The following UVRAG variants were observed in gnomAD, a reference collection of about 807,000 sequenced individuals.
UVRAG encodes UV radiation resistance-associated gene protein.
A neutral mutation model predicts 78.0 loss-of-function variants in UVRAG; 19 were observed. The ratio of observed to expected loss-of-function variants is 0.24; its 90% confidence interval spans 0.17 to 0.36. The LOEUF (loss-of-function observed/expected upper bound fraction) is 0.36, where lower values mean the gene tolerates loss of function less well. Ranked by LOEUF, UVRAG falls within the 10% of genes least tolerant of loss-of-function variation. The pLI, the probability that UVRAG is intolerant of heterozygous loss-of-function variation, is 1.00. For missense variants in UVRAG, 740 were observed against 853.8 expected, an observed-to-expected ratio of 0.87 and a Z score of 1.66; for synonymous variants, 323 against 324.6, an observed-to-expected ratio of 1.00 and a Z score of 0.05.
intron 7 of UVRAG, among the ~76,000 whole-genome samples, chr11:75,973,886 C>T (rs1471522294): frequency 6.6e-6 from 1 of 152,212 alleles, no homozygotes; most frequent in Non-Finnish European, 1.5e-5. Context: ...GACATGAACT[C>T]ATCCTTTTTT....
intron 8 of UVRAG, among the ~76,000 whole-genome samples, chr11:75,992,974 T>C (rs1018500616): frequency 9.9e-5 from 15 of 152,236 alleles, no homozygotes; most frequent in Admixed American, 9.8e-4. Context: ...TGACTGGCAC[T>C]TGGTGCTTAT....
At chr11:76,106,302 C>A (rs558523874) in intron 13 of UVRAG, among the ~76,000 whole-genome samples, 1 of 152,230 alleles carries the variant, frequency 6.6e-6, no homozygotes, top group Admixed American at 6.5e-5. Context: ...AGACTGTAAT[C>A]TTGATCTGAG....
chr11:76,077,793 A>G (rs929226140), intron 13 of UVRAG, among the ~76,000 whole-genome samples: 2 of 152,008 alleles, frequency 1.3e-5, no homozygotes, highest in Non-Finnish European at 2.9e-5. Context: ...AGGAAGAAAC[A>G]TCTTACATAA....
At chr11:75,915,553 G>T (rs1401013157) in intron 6 of UVRAG, among the ~76,000 whole-genome samples, 1 of 152,138 alleles carries the variant, frequency 6.6e-6, no homozygotes, top group Admixed American at 6.5e-5. Context: ...ACCACAAGGT[G>T]TCAATGTTAT....
At chr11:76,097,333 C>A (rs1268665197) in intron 13 of UVRAG, among the ~76,000 whole-genome samples, 3 of 152,154 alleles carry the variant, frequency 2.0e-5, no homozygotes, top group African/African-American at 7.2e-5. Flanking sequence ...CCAGGCCACA[C>A]CACGTGCTGT....
intron 13 of UVRAG, among the ~76,000 whole-genome samples, chr11:76,089,171 TGTG>T (rs1951648960): frequency 6.6e-6 from 1 of 152,120 alleles, no homozygotes; most frequent in Non-Finnish European, 1.5e-5. Flanking sequence ...TGGCTTTGCT[TGTG>T]TCTAGGAAGA....
intron 8 of UVRAG, among the ~76,000 whole-genome samples, chr11:75,992,125 T>C (rs1008832578): frequency 6.6e-6 from 1 of 152,188 alleles, no homozygotes; most frequent in African/African-American, 2.4e-5. Flanking sequence ...TAACAAGTTA[T>C]GTGCCCAAAG....
intron 7 of UVRAG, among the ~76,000 whole-genome samples, chr11:75,972,577 G>T (rs2135242039): frequency 1.3e-5 from 2 of 152,120 alleles, no homozygotes; most frequent in African/African-American, 4.8e-5. Flanking sequence ...ATTTGTTTGG[G>T]TATATTTCTA....
intron 8 of UVRAG, among the ~76,000 whole-genome samples, chr11:75,986,628 C>G (rs926671955): frequency 1.3e-5 from 2 of 151,896 alleles, no homozygotes; most frequent in African/African-American, 4.8e-5. Flanking sequence ...AGATATAATT[C>G]CCATACCATA....
intron 1 of UVRAG, among the ~76,000 whole-genome samples, chr11:75,849,721 C>G (rs1369496746): frequency 6.6e-6 from 1 of 152,096 alleles, no homozygotes; most frequent in Non-Finnish European, 1.5e-5. Flanking sequence ...AAAGGCCGAA[C>G]AAAATAAGTG....
At position 75,851,881 on chromosome 11, in the gene UVRAG, A is replaced by G; in HGVS notation, c.118-2A>G. On this transcript the variant is annotated splice_acceptor_variant, in intron 1 of 14. Transcript: ENST00000356136. LOFTEE classifies it high-confidence loss of function. The stretch of plus-strand genomic sequence containing the variant: ...CTTCTCTTTTTTGTTGTTATTTTTC[A>G]GCGGCGTCTTCGACATCTTCGGAAC... The G allele has an allele frequency of 6.3e-7, 1 of 1,599,124 alleles. No individual in the cohort carries two copies. Among genetic ancestry groups the G allele is most frequent in the Non-Finnish European group, 8.5e-7 (1 of 1,176,178 alleles).
At chr11:76,014,034 A>G (rs1950101402) in intron 11 of UVRAG, among the ~76,000 whole-genome samples, 3 of 152,076 alleles carry the variant, frequency 2.0e-5, no homozygotes, top group Admixed American at 6.5e-5. Flanking sequence ...ATATTATTCA[A>G]TTTTCAGTGT....
chr11:76,140,063 C>T (rs1466576067), intron 14 of UVRAG, among the ~76,000 whole-genome samples: 22 of 22,556 alleles, frequency 9.8e-4, no homozygotes, highest in African/African-American at 4.1e-3. Context: ...CTCTCTCTCC[C>T]TCCCTCCCTC....
rs142311086 is a variant in UVRAG at position 75,895,992 on chromosome 11, G to T, written c.507+7089G>T. Among the ~76,000 whole-genome samples the T allele has an allele frequency of 1.6e-3, 246 of 152,314 alleles. 6 individuals are homozygous for T. The East Asian group carries it at 0.033, about 21-fold the overall frequency. ...CAAAATTTATTTTCTTTGTTGAGGA[G>T]ATAAGACAGTATATATTCCAGAAGA... On this transcript the variant is annotated intron_variant, in intron 5 of 14. Transcript: ENST00000356136.
chr11:75,944,590 T>C (rs1389566221), intron 6 of UVRAG, among the ~76,000 whole-genome samples: 1 of 152,174 alleles, frequency 6.6e-6, no homozygotes, highest in Non-Finnish European at 1.5e-5. Context: ...ATATGCTGGG[T>C]ATACAGTGGT....
At chr11:75,826,071 A>G (rs1414387645) in intron 1 of UVRAG, among the ~76,000 whole-genome samples, 2 of 150,156 alleles carry the variant, frequency 1.3e-5, no homozygotes, top group African/African-American at 4.9e-5. Flanking sequence ...TCCTGACCTT[A>G]GGTGATCCAC....
chr11:76,012,359 T>C (rs1950065749), intron 11 of UVRAG, among the ~76,000 whole-genome samples: 1 of 151,500 alleles, frequency 6.6e-6, no homozygotes, highest in African/African-American at 2.4e-5. Context: ...CTCAGAGAGA[T>C]TAGTTAATTT....
rs145406570 is a variant in UVRAG, at chr11:75,998,271, A to G, written c.827-5734A>G. 1.7e-3 allele frequency among the ~76,000 whole-genome samples: 259 copies of G among 152,344 alleles called. 2 individuals are homozygous for G. The highest frequency in any genetic ancestry group is 6.0e-3 in the African/African-American group (249 of 41,572). On this transcript the variant is annotated intron_variant, in intron 8 of 14. Transcript: ENST00000356136. ...CAGAGGAAACCTATGCCAGTTGTCT[A>G]TACTAATCAGTCTAATCACTTATTC...
chr11:75,829,988 T>C (rs1945618013), intron 1 of UVRAG, among the ~76,000 whole-genome samples: 1 of 152,060 alleles, frequency 6.6e-6, no homozygotes, highest in Admixed American at 6.6e-5. Context: ...TACAGGTGCG[T>C]GCCACCATGC....
Sources: gnomAD v4.1 joint callset for allele counts (sites outside exome capture counted in the v4.1 genomes callset) on GRCh38, gnomAD v4.1.1 for gene constraint, MANE v1.5 for transcripts, NCBI Gene and HGNC (gene_info 2026-07-23, HGNC 2026-07-21) for gene names.